The following CFAP70 variants were observed in gnomAD, a reference collection of about 807,000 sequenced individuals.
The protein encoded by CFAP70 is cilia and flagella associated protein 70.
A neutral mutation model predicts 137.6 loss-of-function variants in CFAP70; 81 were observed. That is an observed-to-expected ratio of 0.59 (90% confidence interval 0.49 to 0.71). The LOEUF is 0.71. Among genes scored for constraint, CFAP70 ranks in the 30% least tolerant of loss-of-function variants. CFAP70 has a pLI of 0.00. For missense variants in CFAP70, 976 were observed against 1,226.7 expected (o/e 0.80, Z 3.05); for synonymous variants, 382 against 423.6 (o/e 0.90, Z 1.20).
rs565405297 is a variant in CFAP70 at position 73,343,238 on chromosome 10, A to G, written c.400-1657T>C. On this transcript the variant is annotated intron_variant, in intron 5 of 26. Coordinates refer to ENST00000310715, the Ensembl canonical transcript of CFAP70. The stretch of plus-strand genomic sequence containing the variant: ...AAAAAAAAAAAAAAGAGAAAGAAAA[A>G]GAAAGTCTAAAAGTGCCAGAACTGG... Among the ~76,000 whole-genome samples the G allele has an allele frequency of 1.5e-4, 23 of 151,738 alleles. No homozygotes were observed. The South Asian group carries it at 4.8e-3, about 32-fold the overall frequency.
intron 12 of CFAP70, among the ~76,000 whole-genome samples, chr10:73,307,603 G>T (rs1163473442): frequency 1.3e-5 from 2 of 152,028 alleles, no homozygotes; most frequent in Admixed American, 1.3e-4. Context: ...TAAAAAGAGG[G>T]TACAAGAGAC....
chr10:73,359,722 G>T (rs546510853), upstream of CFAP70, among the ~76,000 whole-genome samples: 5 of 152,268 alleles, frequency 3.3e-5, no homozygotes, highest in African/African-American at 1.2e-4. Flanking sequence ...CTGGTGGGTA[G>T]ATGTTCTATG....
At chr10:73,272,812 G>T in intron 24 of CFAP70, 116 bp downstream of exon 25, 1 of 872,888 alleles carries the variant, frequency 1.1e-6, no homozygotes. Flanking sequence ...TTTCATTACA[G>T]CAGACAGCCC....
exon 3 of CFAP70, chr10:73,353,657 A>C (rs2054448082): frequency 1.2e-6 from 2 of 1,614,192 alleles, no homozygotes; most frequent in Non-Finnish European, 1.7e-6. Context: ...TTCTGGAGAA[A>C]CAGTAATTTT....
intron 12 of CFAP70, among the ~76,000 whole-genome samples, chr10:73,309,139 C>T (rs530885260): frequency 6.6e-6 from 1 of 152,066 alleles, no homozygotes; most frequent in South Asian, 2.1e-4. Flanking sequence ...AAACTTTTAG[C>T]AAGACTGACT....
At chr10:73,317,740 T>G (rs1407830263) in intron 9 of CFAP70, among the ~76,000 whole-genome samples, 1 of 152,148 alleles carries the variant, frequency 6.6e-6, no homozygotes, top group Non-Finnish European at 1.5e-5. Flanking sequence ...TCTAGAAATC[T>G]CATGTTAAAA....
At chr10:73,274,284 G>T in intron 23 of CFAP70, 149 bp downstream of exon 24, 2 of 875,814 alleles carry the variant, frequency 2.3e-6, no homozygotes, top group Non-Finnish European at 1.7e-6. Flanking sequence ...CTAATTACTG[G>T]TTGTCTGATG....
Position 73,355,158 on chromosome 10 carries a change from C to T in CFAP70, c.-39-323G>A, listed in dbSNP as rs187600776. On this transcript the variant is annotated intron_variant, in intron 1 of 26. Transcript: ENST00000310715. ...CCCGAACCATGAACCAGTACCAGCC[C>T]GTGGCCTGTCAGGAACTGGGCTGTA... Among the ~76,000 whole-genome samples, 75 of 152,292 alleles carry T rather than the reference C, an allele frequency of 4.9e-4. 1 individual carries two copies. The Middle Eastern group carries it at 0.017, about 35-fold the overall frequency.
chr10:73,346,050 C>T (rs2053673898), intron 4 of CFAP70, among the ~76,000 whole-genome samples: 1 of 151,342 alleles, frequency 6.6e-6, no homozygotes, highest in Non-Finnish European at 1.5e-5. Context: ...AGGCGCATGC[C>T]ACCATGCCCA....
chr10:73,342,075 GC>G (rs2053301528), intron 5 of CFAP70, among the ~76,000 whole-genome samples: 1 of 152,146 alleles, frequency 6.6e-6, no homozygotes, highest in Admixed American at 6.5e-5. Flanking sequence ...CTGGCAAGGG[GC>G]TAAAAATATA....
intron 9 of CFAP70, among the ~76,000 whole-genome samples, chr10:73,315,896 T>C (rs1439324374): frequency 2.0e-5 from 3 of 152,184 alleles, no homozygotes; most frequent in African/African-American, 4.8e-5. Flanking sequence ...TTTCAAGTAT[T>C]GAGAGTAGGA....
chr10:73,274,076 G>A (rs2046514174), intron 23 of CFAP70, among the ~76,000 whole-genome samples: 2 of 152,332 alleles, frequency 1.3e-5, no homozygotes, highest in African/African-American at 4.8e-5. Context: ...TTTGTGTTTA[G>A]GAGAAAGTTT....
intron 20 of CFAP70, among the ~76,000 whole-genome samples, chr10:73,277,948 TG>T (rs1219550332): frequency 6.6e-6 from 1 of 152,236 alleles, no homozygotes; most frequent in African/African-American, 2.4e-5. Flanking sequence ...AGTTTGTAGA[TG>T]TTTTTTAAAA....
intron 25 of CFAP70, among the ~76,000 whole-genome samples, chr10:73,260,027 CAAAAAAAAAA>C (rs1420932407): frequency 7.2e-6 from 1 of 138,282 alleles, no homozygotes; most frequent in Non-Finnish European, 1.6e-5. Flanking sequence ...GACCCTGTCT[CAAAAAAAAAA>C]GAAAAAAAAA....
At chr10:73,359,310 G>A (rs1415299114), upstream of CFAP70, among the ~76,000 whole-genome samples, 2 of 152,146 alleles carry the variant, frequency 1.3e-5, no homozygotes, top group Non-Finnish European at 2.9e-5. Flanking sequence ...AGTGCCCGTC[G>A]AAGGAATAGT....
chr10:73,321,643 T>G (rs12258996), intron 9 of CFAP70, among the ~76,000 whole-genome samples: 3,731 of 152,170 alleles, frequency 0.025, 160 homozygotes, highest in African/African-American at 0.084. Context: ...ATGAAACTGA[T>G]TTTTTGCTCG....
At chr10:73,302,883 CTTTT>C (rs1554895440) in intron 12 of CFAP70, among the ~76,000 whole-genome samples, 2 of 130,962 alleles carry the variant, frequency 1.5e-5, no homozygotes, top group Admixed American at 7.6e-5. Context: ...CTTTTCTTTT[CTTTT>C]TTTTTTTTTT....
chr10:73,333,211 C>T (rs2052306604), intron 7 of CFAP70, among the ~76,000 whole-genome samples: 1 of 151,856 alleles, frequency 6.6e-6, no homozygotes, highest in Non-Finnish European at 1.5e-5. Flanking sequence ...AATAGAAATT[C>T]CCCAAACTGA....
intron 6 of CFAP70, among the ~76,000 whole-genome samples, chr10:73,337,763 G>A (rs571428059): frequency 3.3e-5 from 5 of 151,948 alleles, no homozygotes; most frequent in Admixed American, 2.0e-4. Flanking sequence ...AAAATTAGCC[G>A]GGTGTGGTGG....
Sources: gnomAD v4.1 joint callset for allele counts (sites outside exome capture counted in the v4.1 genomes callset) on GRCh38, gnomAD v4.1.1 for gene constraint, MANE v1.5 for transcripts, NCBI Gene and HGNC (gene_info 2026-07-23, HGNC 2026-07-21) for gene names.